The following MRPS6 variants were observed in gnomAD, a reference collection of about 807,000 sequenced individuals.
The protein encoded by MRPS6 is mitochondrial ribosomal protein S6, also known as small ribosomal subunit protein bS6m.
In MRPS6, 6 loss-of-function variants were observed where a neutral mutation model predicts 13.1. The ratio of observed to expected loss-of-function variants is 0.46; its 90% CI spans 0.25 to 0.91. The LOEUF is 0.91. Among genes scored for constraint, MRPS6 ranks in the 40% least tolerant of loss-of-function variants. The probability of loss-of-function intolerance (pLI) is 0.18; values close to 1 mark genes in which losing one functional copy is unlikely to be tolerated. For missense variants in MRPS6, 164 were observed against 155.6 expected (o/e 1.05, Z -0.29); for synonymous variants, 61 against 56.5 (o/e 1.08, Z -0.36).
At chr21:34,078,293 T>A (rs1989381252) in intron 1 of MRPS6, among the ~76,000 whole-genome samples, 1 of 152,124 alleles carries the variant, frequency 6.6e-6, no homozygotes, top group Admixed American at 6.5e-5. Flanking sequence ...TATACTTTCA[T>A]TTGGTATTAA....
chr21:34,123,853 A>G (rs1980208098), intron 1 of MRPS6: 1 of 151,832 alleles, frequency 6.6e-6, no homozygotes, highest in African/African-American at 2.4e-5. Flanking sequence ...TGTAGCTACC[A>G]CACCGCGGCT....
At chr21:34,122,579 G>A (rs753178286) in intron 1 of MRPS6, 8 of 152,142 alleles carry the variant, frequency 5.3e-5, no homozygotes, top group Non-Finnish European at 1.2e-4. Flanking sequence ...TCAGAAGAGG[G>A]TAATGAGTTT....
In MRPS6 at chr21:34,121,224, G is replaced by T. The variant is rs576824013; in HGVS notation, c.46-4117G>T. On this transcript the variant is annotated intron_variant, in intron 1 of 2. Transcript: ENST00000399312. ...TTTTGGTGATGAAGATATCAGAATT[G>T]GGGGGCATAAAAAGACTTTCATCAA... Among the ~76,000 whole-genome samples the T allele has an allele frequency of 3.3e-5, 5 of 152,198 alleles. No individual in the cohort carries two copies. The East Asian group carries it at 9.6e-4, about 29-fold the overall frequency.
chr21:34,104,184 T>C (rs956821857), intron 1 of MRPS6: 2 of 999,994 alleles, frequency 2.0e-6, no homozygotes, highest in African/African-American at 3.5e-5. Flanking sequence ...ATCTGAGTGT[T>C]CTGAGCATCA....
At chr21:34,102,991 T>C in intron 1 of MRPS6, 2 of 1,000,014 alleles carry the variant, frequency 2.0e-6, no homozygotes, top group Non-Finnish European at 2.4e-6. Flanking sequence ...TACTTTTTAT[T>C]GCTCTTAGAC....
rs750340966 is a variant in MRPS6 at position 34,125,588 on chromosome 21, C to T, written c.185+108C>T. 210 of 1,484,208 alleles carry T rather than the reference C, an allele frequency of 1.4e-4. No individual in the cohort carries two copies. The Middle Eastern group carries it at 1.5e-3, about 11-fold the overall frequency. 91.9% of individuals were successfully genotyped at this position (1,484,208 alleles called of 1,614,324 possible). On this transcript the variant is annotated intron_variant, in intron 2 of 2. Coordinates refer to ENST00000399312, the MANE Select transcript of MRPS6 (RefSeq NM_032476.4). ...AAATTTCACATTGAGACCCCTGTTG[C>T]GCCTAGGTGTCCTTTGGGTACACAC... is the stretch of plus-strand genomic sequence containing the variant.
At chr21:34,087,536 G>A (rs1232084896) in intron 1 of MRPS6, among the ~76,000 whole-genome samples, 3 of 152,176 alleles carry the variant, frequency 2.0e-5, no homozygotes, top group Admixed American at 6.5e-5. Context: ...GTTTTATAGC[G>A]TGTTAGGTGT....
intron 1 of MRPS6, among the ~76,000 whole-genome samples, chr21:34,076,405 A>C (rs889472924): frequency 1.4e-4 from 21 of 152,204 alleles, no homozygotes; most frequent in African/African-American, 4.6e-4. Flanking sequence ...GGGAATGCCC[A>C]TTGAAAGATT....
intron 2 of MRPS6, among the ~76,000 whole-genome samples, chr21:34,133,790 G>A (rs765955893): frequency 6.6e-6 from 1 of 152,202 alleles, no homozygotes; most frequent in Non-Finnish European, 1.5e-5. Flanking sequence ...TAGGGAAACT[G>A]GACAAGGCCA....
At chr21:34,102,615 T>C (rs1979296490) in intron 1 of MRPS6, 4 of 1,000,102 alleles carry the variant, frequency 4.0e-6, no homozygotes, top group South Asian at 9.4e-5. Context: ...AACTGTACTT[T>C]ATGTAATGAC....
At chr21:34,085,999 T>C (rs1183405710) in intron 1 of MRPS6, among the ~76,000 whole-genome samples, 1 of 152,238 alleles carries the variant, frequency 6.6e-6, no homozygotes, top group Non-Finnish European at 1.5e-5. Flanking sequence ...TTGTCAAAAG[T>C]GTCTGTCTAC....
In MRPS6 at chr21:34,109,807, G is replaced by GA. The variant is rs529165691; in HGVS notation, c.46-15523dup. On this transcript the variant is annotated intron_variant, in intron 1 of 2. Coordinates refer to ENST00000399312, the MANE Select transcript of MRPS6 (RefSeq NM_032476.4). ...CTCGTATTCTTGTAAGGTTGTACCT[G>GA]AAAAAAAAAAATCCTGCACAATATG... Among the ~76,000 whole-genome samples the GA allele has an allele frequency of 4.5e-4, 66 of 145,740 alleles. No individual in the cohort carries two copies. The Middle Eastern group carries it at 0.011, about 23-fold the overall frequency.
chr21:34,135,843 C>A, intron 2 of MRPS6: 1 of 554,274 alleles, frequency 1.8e-6, no homozygotes, highest in South Asian at 1.8e-5. Context: ...TGAGGGACTC[C>A]ACAATGGGGC....
chr21:34,090,470 A>G (rs16991188), intron 1 of MRPS6, among the ~76,000 whole-genome samples: 1,757 of 152,328 alleles, frequency 0.012, 38 homozygotes, highest in South Asian at 0.081. Context: ...GTAGGAGCTA[A>G]TAGTTGATGA....
At chr21:34,117,568 G>A (rs1363364543) in intron 1 of MRPS6, among the ~76,000 whole-genome samples, 5 of 152,122 alleles carry the variant, frequency 3.3e-5, no homozygotes, top group African/African-American at 9.7e-5. Context: ...TTTCCCTGCG[G>A]CTACCCTTTT....
chr21:34,096,099 AT>A lies in MRPS6; in HGVS notation c.45+22355del, dbSNP rs1254023415. On this transcript the variant is annotated intron_variant, in intron 1 of 2. Transcript: ENST00000399312. The surrounding 1 kb of genome is among the most constrained non-coding windows in gnomAD (Gnocchi z 5.9). ...TGCTCATGCCAAAGGCTCTACTCTT[AT>A]GGCTGGCTTCTTAAAGCTCCTGCCA... 1.2e-6 allele frequency: 2 copies of A among 1,613,926 alleles called. No individual in the cohort carries two copies. The highest frequency in any genetic ancestry group is 1.7e-6 in the Non-Finnish European group (2 of 1,179,998).
intron 2 of MRPS6, among the ~76,000 whole-genome samples, chr21:34,132,173 C>T (rs768602994): frequency 5.3e-5 from 8 of 152,114 alleles, no homozygotes; most frequent in Non-Finnish European, 1.0e-4. Context: ...TCTTGGTTCC[C>T]TGGGAGAAGA....
chr21:34,138,927 G>A (rs1344706246), intron 2 of MRPS6, among the ~76,000 whole-genome samples: 2 of 151,668 alleles, frequency 1.3e-5, no homozygotes, highest in Non-Finnish European at 2.9e-5. Flanking sequence ...GCAAAGACTT[G>A]GAACCAACCC....
Position 34,110,262 on chromosome 21 carries a change from G to C in MRPS6, c.46-15079G>C, listed in dbSNP as rs190066173. ...GTGGATCACTTGAGCCCAGGAGTTC[G>C]AGACCAGCTTGGGCAACATAACGAA... On this transcript the variant is annotated intron_variant, in intron 1 of 2. Transcript: ENST00000399312. Among the ~76,000 whole-genome samples, 199 of 152,230 alleles carry C rather than the reference G, an allele frequency of 1.3e-3. 1 individual carries two copies. Among genetic ancestry groups the C allele is most frequent in the African/African-American group, 4.6e-3 (190 of 41,534 alleles).
Sources: allele counts gnomAD v4.1 joint callset (sites outside exome capture counted in the v4.1 genomes callset), GRCh38; gene constraint gnomAD v4.1.1; non-coding constraint Gnocchi (gnomAD v3.1); transcripts MANE v1.5; gene names NCBI Gene and HGNC (gene_info 2026-07-23, HGNC 2026-07-21).